HDAC4: variants seen among roughly 807,000 people sequenced by gnomAD.
HDAC4 encodes histone deacetylase A.
In HDAC4, 16 loss-of-function variants were observed where a neutral mutation model predicts 135.1. The observed-to-expected ratio is 0.12, with a 90% CI of 0.08 to 0.18. The LOEUF is 0.18. Ranked by LOEUF, HDAC4 falls within the 10% of genes least tolerant of loss-of-function variation. The pLI, the probability that HDAC4 is intolerant of heterozygous loss-of-function variation, is 1.00. For missense variants in HDAC4, 1,143 were observed against 1,511.8 expected, an observed-to-expected ratio of 0.76 and a Z score of 4.05; for synonymous variants, 685 against 653.4, an observed-to-expected ratio of 1.05 and a Z score of -0.74.
rs115709490 is a variant in HDAC4, at chr2:239,068,794, C to T, written c.2751-187G>A. The T allele has an allele frequency of 1.7e-3, 1,123 of 665,584 alleles. 10 individuals are homozygous for T. In the African/African-American group the frequency reaches 0.018, roughly 11 times the overall value. 41.2% of individuals were successfully genotyped at this position (665,584 alleles called of 1,614,324 possible). A position where few individuals can be genotyped will look rare whatever the true frequency, so the allele number is the denominator to read the frequency against. ...GCTTAATTAGAAGGGAATCAACCCA[C>T]GTGTGATCCAGGCTCATTTCACATC... On this transcript the variant is annotated intron_variant, in intron 22 of 26. Coordinates refer to ENST00000543185, the MANE Select transcript of HDAC4 (RefSeq NM_001378414.1). This position sits in a 1 kb window ranked among gnomAD's most constrained non-coding sequence, Gnocchi z 4.4.
At chr2:239,219,905 C>G (rs962407703) in intron 3 of HDAC4, among the ~76,000 whole-genome samples, 5 of 152,190 alleles carry the variant, frequency 3.3e-5, no homozygotes, top group Non-Finnish European at 7.3e-5. Flanking sequence ...CACACATGGT[C>G]AGCACTAGAT....
At chr2:239,151,087 C>T (rs1251125209) in intron 7 of HDAC4, among the ~76,000 whole-genome samples, 1 of 152,262 alleles carries the variant, frequency 6.6e-6, no homozygotes, top group Non-Finnish European at 1.5e-5. Flanking sequence ...AGCCCCTTCC[C>T]AAACTCAGGG....
chr2:239,159,525 CCA>C (rs1449232281), intron 6 of HDAC4, among the ~76,000 whole-genome samples: 4 of 151,076 alleles, frequency 2.6e-5, no homozygotes, highest in Non-Finnish European at 5.9e-5. Flanking sequence ...TCACACCCAC[CCA>C]CACCCCACCT....
chr2:239,346,998 AAC>A (rs574332568), intron 2 of HDAC4, among the ~76,000 whole-genome samples: 72 of 88,380 alleles, frequency 8.1e-4, no homozygotes, highest in South Asian at 2.3e-3. Flanking sequence ...CCCTGTCTAA[AAC>A]ACACACCCCA....
In HDAC4 at chr2:239,146,418, G is replaced by A. The variant is rs551435061; in HGVS notation, c.734-1704C>T. On this transcript the variant is annotated intron_variant, in intron 7 of 26. Transcript: ENST00000543185. This position sits in a 1 kb window ranked among gnomAD's most constrained non-coding sequence, Gnocchi z 4.5. ...CCCACAGAAGAGCACAGGGTCCCTG[G>A]CCCTGTGTGAAAGGTCTTCCTCAGT... Among the ~76,000 whole-genome samples the A allele has an allele frequency of 1.2e-3, 179 of 152,288 alleles. 1 individual carries two copies. The highest frequency in any genetic ancestry group is 3.8e-3 in the African/African-American group (159 of 41,550).
At chr2:239,393,419 T>C (rs78015172) in intron 1 of HDAC4, among the ~76,000 whole-genome samples, 2,262 of 152,174 alleles carry the variant, frequency 0.015, 127 homozygotes, top group East Asian at 0.14. Flanking sequence ...CGCAAGGAAG[T>C]CCTTTGTGCA....
intron 2 of HDAC4, among the ~76,000 whole-genome samples, chr2:239,256,404 T>C (rs2049054072): frequency 6.6e-6 from 1 of 152,232 alleles, no homozygotes; most frequent in African/African-American, 2.4e-5. Context: ...GGGAAAGAGA[T>C]TCAGAACAAC....
chr2:239,204,241 T>G (rs2045918820), intron 3 of HDAC4, among the ~76,000 whole-genome samples: 2 of 152,162 alleles, frequency 1.3e-5, no homozygotes, highest in Non-Finnish European at 2.9e-5. Context: ...TGTGCAGGTG[T>G]AGTGACTGCA....
intron 1 of HDAC4, among the ~76,000 whole-genome samples, chr2:239,366,144 C>T (rs183102341): frequency 1.4e-3 from 205 of 148,022 alleles, no homozygotes; most frequent in African/African-American, 4.9e-3. Flanking sequence ...AACACGCATG[C>T]ACAGAGCAGG....
intron 1 of HDAC4, among the ~76,000 whole-genome samples, chr2:239,374,558 T>C (rs1043934255): frequency 3.3e-5 from 5 of 150,350 alleles, no homozygotes; most frequent in Non-Finnish European, 7.4e-5. Flanking sequence ...CGCCCGCCAC[T>C]ACGCCCGGCT....
intron 1 of HDAC4, among the ~76,000 whole-genome samples, chr2:239,397,618 G>C (rs187733219): frequency 6.6e-6 from 1 of 152,154 alleles, no homozygotes. Context: ...CTGCAGCAAG[G>C]GGACATGGCC....
intron 19 of HDAC4, among the ~76,000 whole-genome samples, chr2:239,084,966 T>A (rs1212822759): frequency 8.6e-5 from 10 of 115,960 alleles, no homozygotes; most frequent in Non-Finnish European, 1.7e-5. Context: ...CACAGACACA[T>A]ACAAGCACAC....
intron 2 of HDAC4, among the ~76,000 whole-genome samples, chr2:239,292,156 T>C (rs983173639): frequency 5.3e-5 from 8 of 152,168 alleles, no homozygotes; most frequent in Admixed American, 5.2e-4. Flanking sequence ...ACGGCCAGGA[T>C]GGTAGGTGGG....
chr2:239,271,145 C>T (rs1011750870), intron 2 of HDAC4, among the ~76,000 whole-genome samples: 14 of 152,118 alleles, frequency 9.2e-5, no homozygotes, highest in African/African-American at 2.7e-4. Flanking sequence ...CAGGGTCTTG[C>T]TCCGGTTGCC....
At chr2:239,093,899 A>G (rs1242591624) in intron 17 of HDAC4, 1 of 973,772 alleles carries the variant, frequency 1.0e-6, no homozygotes, top group East Asian at 1.1e-4. Flanking sequence ...CCTATTTACA[A>G]TACAAAATAA....
intron 6 of HDAC4, among the ~76,000 whole-genome samples, chr2:239,159,906 A>G (rs3791514): frequency 0.7 from 106,192 of 152,318 alleles, 37,915 homozygotes; most frequent in African/African-American, 0.8. Flanking sequence ...CCCGGATGCC[A>G]CACCTAAAGG....
intron 1 of HDAC4, among the ~76,000 whole-genome samples, chr2:239,396,011 G>A (rs1316568857): frequency 1.3e-5 from 2 of 152,116 alleles, no homozygotes; most frequent in Non-Finnish European, 2.9e-5. Flanking sequence ...GGGTCTCGCT[G>A]TGTCACTCAG....
At chr2:239,373,493 G>C (rs1274547999) in intron 1 of HDAC4, among the ~76,000 whole-genome samples, 1 of 152,106 alleles carries the variant, frequency 6.6e-6, no homozygotes, top group African/African-American at 2.4e-5. Context: ...TTTTGAGACA[G>C]AGTCTCACTC....
chr2:239,281,547 C>T (rs1369912425), intron 2 of HDAC4, among the ~76,000 whole-genome samples: 1 of 149,410 alleles, frequency 6.7e-6, no homozygotes, highest in African/African-American at 2.5e-5. Flanking sequence ...CACCACTCTA[C>T]ACACAATGTA....
Sources: gnomAD v4.1 joint callset for allele counts (sites outside exome capture counted in the v4.1 genomes callset) on GRCh38, gnomAD v4.1.1 for gene constraint, Gnocchi (gnomAD v3.1) non-coding constraint, MANE v1.5 for transcripts, NCBI Gene and HGNC (gene_info 2026-07-23, HGNC 2026-07-21) for gene names.